The following SIPA1L2 variants were observed in gnomAD, a reference collection of about 807,000 sequenced individuals.
The protein encoded by SIPA1L2 is signal induced proliferation associated 1 like 2.
In SIPA1L2, 56 loss-of-function variants were observed where a neutral mutation model predicts 163.9. The observed-to-expected ratio is 0.34, with a 90% CI of 0.28 to 0.43. The LOEUF (loss-of-function observed/expected upper bound fraction) is 0.43, where lower values mean the gene tolerates loss of function less well. SIPA1L2 is among the 20% of genes least tolerant of loss of function. SIPA1L2 has a pLI of 1.00. For synonymous variants in SIPA1L2, 877 were observed against 865.7 expected (o/e 1.01, Z -0.23); for missense variants, 1,974 against 2,193.5 (o/e 0.90, Z 2.00).
chr1:232,402,822 T>C (rs767393427), intron 21 of SIPA1L2: 2 of 188,380 alleles, frequency 1.1e-5, no homozygotes, highest in African/African-American at 2.4e-5. Flanking sequence ...ATAACAATAT[T>C]ATGAAGCTCG....
At chr1:232,485,663 C>T (rs572884965) in intron 5 of SIPA1L2, among the ~76,000 whole-genome samples, 12 of 152,314 alleles carry the variant, frequency 7.9e-5, no homozygotes, top group Middle Eastern at 3.4e-3. Context: ...AATTATTACA[C>T]AGATGTTCGT....
intron 5 of SIPA1L2, 22 bp from the exon 6 acceptor site, chr1:232,483,988 AT>A: frequency 6.3e-7 from 1 of 1,595,176 alleles, no homozygotes; most frequent in East Asian, 2.2e-5. Context: ...GAGAAATATA[AT>A]TACTTGGCAA....
chr1:232,549,584 GA>G (rs1348029262), intron 2 of SIPA1L2, among the ~76,000 whole-genome samples: 8 of 152,138 alleles, frequency 5.3e-5, no homozygotes, highest in African/African-American at 9.7e-5. Context: ...TATTATGTGG[GA>G]AATTTCCGTT....
chr1:232,499,339 A>G (rs1002407045), intron 3 of SIPA1L2, among the ~76,000 whole-genome samples: 1 of 152,248 alleles, frequency 6.6e-6, no homozygotes, highest in Admixed American at 6.5e-5. Context: ...AAAGAAAGTA[A>G]AAGTGCCACT....
chr1:232,608,354 T>G (rs978556978), intron 1 of SIPA1L2, among the ~76,000 whole-genome samples: 11 of 152,138 alleles, frequency 7.2e-5, no homozygotes, highest in African/African-American at 2.2e-4. Flanking sequence ...AACCCCATAT[T>G]TCACCTCTTG....
At chr1:232,589,421 A>G (rs1376531140) in intron 1 of SIPA1L2, among the ~76,000 whole-genome samples, 2 of 152,202 alleles carry the variant, frequency 1.3e-5, no homozygotes, top group Admixed American at 1.3e-4. Context: ...TTTTGCCACC[A>G]TTGGCTGAGA....
intron 2 of SIPA1L2, among the ~76,000 whole-genome samples, chr1:232,526,120 C>G (rs540016409): frequency 6.6e-6 from 1 of 152,200 alleles, no homozygotes; most frequent in East Asian, 1.9e-4. Flanking sequence ...ACTTCCTAAC[C>G]TCTCTGAGAA....
chr1:232,443,807 T>C (rs1663048518), intron 11 of SIPA1L2, 122 bp from the exon 12 acceptor site: 2 of 696,066 alleles, frequency 2.9e-6, no homozygotes, highest in African/African-American at 1.8e-5. Context: ...AAGAAAAACA[T>C]ATTGCCATGT....
chr1:232,529,253 T>C (rs1423908332), intron 2 of SIPA1L2, among the ~76,000 whole-genome samples: 2 of 152,190 alleles, frequency 1.3e-5, no homozygotes, highest in African/African-American at 2.4e-5. Context: ...TTGGAATGTT[T>C]TTCTTCTTCC....
At chr1:232,628,701 A>C (rs1410412596) in intron 1 of SIPA1L2, among the ~76,000 whole-genome samples, 1 of 152,222 alleles carries the variant, frequency 6.6e-6, no homozygotes, top group Non-Finnish European at 1.5e-5. Flanking sequence ...TTCTTCAATT[A>C]CTAATTGTAA....
chr1:232,587,499 A>C (rs1660735476), intron 1 of SIPA1L2, among the ~76,000 whole-genome samples: 1 of 152,176 alleles, frequency 6.6e-6, no homozygotes, highest in African/African-American at 2.4e-5. Flanking sequence ...CTGTGAGGTC[A>C]AACTAGAATT....
At chr1:232,451,329 G>A (rs1424914255) in intron 10 of SIPA1L2, among the ~76,000 whole-genome samples, 4 of 152,110 alleles carry the variant, frequency 2.6e-5, no homozygotes, top group Non-Finnish European at 5.9e-5. Flanking sequence ...ATGGATCTGC[G>A]TCCCCCTTGG....
upstream of SIPA1L2, among the ~76,000 whole-genome samples, chr1:232,630,291 G>T (rs1357048441): frequency 1.3e-5 from 2 of 151,834 alleles, no homozygotes. Flanking sequence ...GGCTCCGGGC[G>T]CAGCCGGTGC....
rs551259049 is a variant in SIPA1L2 at position 232,398,039 on chromosome 1, A to G, written c.*1088T>C. 1.3e-5 allele frequency: 2 copies of G among 152,742 alleles called. No individual in the cohort carries two copies. The highest frequency in any genetic ancestry group is 4.8e-5 in the African/African-American group (2 of 41,570). The allele number at this position is 152,742 out of a possible 1,614,324, so 9.5% of individuals were successfully genotyped here. A position where few individuals can be genotyped will look rare whatever the true frequency, so the allele number is the denominator to read the frequency against. ...GTTCATCTCAAATCTAACAGTTAAA[A>G]ATGGTAAAGCAATACAAACAATGTG... On this transcript the variant is annotated 3_prime_UTR_variant, in exon 23 of 23. Coordinates refer to ENST00000674635, the MANE Select transcript of SIPA1L2 (RefSeq NM_020808.5).
intron 1 of SIPA1L2, among the ~76,000 whole-genome samples, chr1:232,619,179 T>G (rs1316902390): frequency 6.6e-6 from 1 of 152,230 alleles, no homozygotes; most frequent in Non-Finnish European, 1.5e-5. Context: ...GCCTACAGTT[T>G]CCCTGCACAC....
intron 2 of SIPA1L2, among the ~76,000 whole-genome samples, chr1:232,557,195 G>A (rs1371091433): frequency 6.6e-6 from 1 of 152,162 alleles, no homozygotes; most frequent in Non-Finnish European, 1.5e-5. Context: ...TTCAGCAGGC[G>A]TACAGGACAA....
At chr1:232,541,631 G>T (rs945642755) in intron 2 of SIPA1L2, among the ~76,000 whole-genome samples, 1 of 152,144 alleles carries the variant, frequency 6.6e-6, no homozygotes, top group Non-Finnish European at 1.5e-5. Context: ...CATTAAAAGT[G>T]TTTTAAACTT....
intron 18 of SIPA1L2, among the ~76,000 whole-genome samples, chr1:232,423,340 G>A (rs924934442): frequency 6.6e-6 from 1 of 152,312 alleles, no homozygotes; most frequent in African/African-American, 2.4e-5. Context: ...TCACATAGGC[G>A]ATTGTGGTAG....
chr1:232,504,740 A>C (rs1666644254), intron 3 of SIPA1L2, among the ~76,000 whole-genome samples: 1 of 152,222 alleles, frequency 6.6e-6, no homozygotes, highest in Admixed American at 6.5e-5. Flanking sequence ...CAGTGAAGAC[A>C]ATAATATTAA....
Sources: gnomAD v4.1 joint callset for allele counts (sites outside exome capture counted in the v4.1 genomes callset) on GRCh38, gnomAD v4.1.1 for gene constraint, MANE v1.5 for transcripts, NCBI Gene and HGNC (gene_info 2026-07-23, HGNC 2026-07-21) for gene names.